The following MBTD1 variants were observed in gnomAD, a reference collection of about 807,000 sequenced individuals.
MBTD1 encodes the protein MBT domain-containing protein 1.
In MBTD1, 24 loss-of-function variants were observed where a neutral mutation model predicts 87.8. The observed-to-expected ratio is 0.27, with a 90% confidence interval of 0.20 to 0.38. MBTD1 has a LOEUF of 0.38. MBTD1 is among the 10% of genes least tolerant of loss of function. The pLI, the probability that MBTD1 is intolerant of heterozygous loss-of-function variation, is 1.00. For synonymous variants in MBTD1, 237 were observed against 248.6 expected (o/e 0.95, Z 0.44); for missense variants, 436 against 760.2 (o/e 0.57, Z 5.02).
intron 2 of MBTD1, among the ~76,000 whole-genome samples, chr17:51,232,475 A>G (rs1311454810): frequency 6.6e-6 from 1 of 152,200 alleles, no homozygotes; most frequent in Non-Finnish European, 1.5e-5. Context: ...GAGTTGTTTA[A>G]TAAGAAAAAT....
chr17:51,219,479 G>A (rs2052762512), intron 4 of MBTD1, among the ~76,000 whole-genome samples: 1 of 152,076 alleles, frequency 6.6e-6, no homozygotes, highest in Non-Finnish European at 1.5e-5. Context: ...TAGTGCTAAC[G>A]CAAAAGATCA....
chr17:51,214,516 T>G (rs1477259253), intron 6 of MBTD1, among the ~76,000 whole-genome samples: 1 of 152,136 alleles, frequency 6.6e-6, no homozygotes, highest in Non-Finnish European at 1.5e-5. Context: ...CACAGTAATA[T>G]CTAAGTGCTG....
intron 12 of MBTD1, among the ~76,000 whole-genome samples, chr17:51,198,711 A>C (rs568835669): frequency 7.7e-4 from 117 of 152,290 alleles, no homozygotes; most frequent in African/African-American, 2.6e-3. Context: ...CAGCGTCCCA[A>C]AGTGCTGGAA....
chr17:51,249,160 T>G (rs1215950614), intron 2 of MBTD1, among the ~76,000 whole-genome samples: 2 of 150,374 alleles, frequency 1.3e-5, no homozygotes, highest in Admixed American at 1.3e-4. Flanking sequence ...CTTGGGAGGC[T>G]GAGGTGGGAG....
chr17:51,188,978 G>A (rs991597369), intron 16 of MBTD1, among the ~76,000 whole-genome samples: 66 of 151,882 alleles, frequency 4.3e-4, no homozygotes, highest in Admixed American at 6.6e-4. Context: ...GGCTGGTCTC[G>A]AACTCCTGAC....
At chr17:51,233,371 C>A (rs2053649315) in intron 2 of MBTD1, among the ~76,000 whole-genome samples, 1 of 151,880 alleles carries the variant, frequency 6.6e-6, no homozygotes. Flanking sequence ...AGAAGAAAAG[C>A]AAACAGCATA....
At chr17:51,228,815 T>C (rs1568209931) in intron 2 of MBTD1, among the ~76,000 whole-genome samples, 1 of 145,468 alleles carries the variant, frequency 6.9e-6, no homozygotes, top group Non-Finnish European at 1.5e-5. Context: ...GGAGAAATGC[T>C]TGAACCCGGG....
chr17:51,223,554 G>A (rs1004421044), intron 3 of MBTD1, among the ~76,000 whole-genome samples: 3 of 151,260 alleles, frequency 2.0e-5, no homozygotes, highest in Non-Finnish European at 3.0e-5. Context: ...AACAACAAAA[G>A]CCTGGGCGTG....
chr17:51,198,748 C>G (rs868329709), intron 12 of MBTD1, among the ~76,000 whole-genome samples: 2 of 152,206 alleles, frequency 1.3e-5, no homozygotes, highest in Middle Eastern at 6.8e-3. Flanking sequence ...CCAAGCCTGG[C>G]CTTGACTGTG....
chr17:51,205,957 TTCTTA>T (rs1341202133), intron 7 of MBTD1, among the ~76,000 whole-genome samples: 1 of 152,118 alleles, frequency 6.6e-6, no homozygotes, highest in African/African-American at 2.4e-5. Flanking sequence ...AAGATAACTT[TTCTTA>T]TGAGTGGCTG....
chr17:51,192,429 C>A, intron 15 of MBTD1, 149 bp from the exon 16 acceptor site: 1 of 655,824 alleles, frequency 1.5e-6, no homozygotes, highest in South Asian at 2.1e-5. Context: ...CTTGTTCCTA[C>A]AAAACCATAG....
chr17:51,203,954 A>G (rs1479960676), intron 7 of MBTD1, 29 bp from the exon 8 acceptor site: 4 of 1,534,866 alleles, frequency 2.6e-6, no homozygotes, highest in East Asian at 2.3e-5. Context: ...TCACTACATA[A>G]TAAGAAAATA....
chr17:51,198,618 C>T (rs760974581), intron 12 of MBTD1, among the ~76,000 whole-genome samples: 3 of 152,180 alleles, frequency 2.0e-5, no homozygotes, highest in Non-Finnish European at 4.4e-5. Context: ...GCTATTCAGA[C>T]TCTTTCTCAG....
Position 51,192,289 on chromosome 17 carries a change from TA to T in MBTD1, c.1691-10del, listed in dbSNP as rs1198350021. 1 of 1,543,446 alleles carries T rather than the reference TA, an allele frequency of 6.5e-7. No homozygotes were observed. Among genetic ancestry groups the T allele is most frequent in the Admixed American group, 2.0e-5 (1 of 50,780 alleles). On this transcript the variant is annotated splice_polypyrimidine_tract_variant and intron_variant, in intron 15 of 16. Coordinates refer to ENST00000586178, the MANE Select transcript of MBTD1 (RefSeq NM_017643.3). Reference sequence around the variant, plus strand: ...TTGGTTTTCTCTTGATGCTGAAAAATAAAAAGGGAAAATTGGTACTAGATAA... The same window carrying T: ...TTGGTTTTCTCTTGATGCTGAAAAATAAAAGGGAAAATTGGTACTAGATAA...
chr17:51,212,526 CATCA>C (rs1213039721), intron 6 of MBTD1, among the ~76,000 whole-genome samples: 1 of 149,208 alleles, frequency 6.7e-6, no homozygotes, highest in Non-Finnish European at 1.5e-5. Flanking sequence ...GTAAAGACAG[CATCA>C]ATAAGACATG....
chr17:51,202,105 G>T, intron 10 of MBTD1, 28 bp from the exon 11 acceptor site: 1 of 1,463,130 alleles, frequency 6.8e-7, no homozygotes, highest in Non-Finnish European at 9.5e-7. Flanking sequence ...ACACTAATCT[G>T]TCAGCATTTG....
intron 6 of MBTD1, among the ~76,000 whole-genome samples, chr17:51,215,331 A>G (rs1024162463): frequency 3.9e-5 from 6 of 152,258 alleles, no homozygotes; most frequent in Admixed American, 6.5e-5. Context: ...TCTCATAAAT[A>G]ACTTTAATAT....
intron 7 of MBTD1, among the ~76,000 whole-genome samples, 176 bp downstream of exon 7, chr17:51,206,712 T>G (rs113550478): frequency 6.6e-6 from 1 of 152,224 alleles, no homozygotes; most frequent in Non-Finnish European, 1.5e-5. Context: ...TCATATGGCC[T>G]GCAAAGTTGA....
chr17:51,192,024 A>G (rs552535769), intron 16 of MBTD1, 179 bp downstream of exon 16: 6 of 600,786 alleles, frequency 1.0e-5, no homozygotes, highest in Admixed American at 6.4e-5. Flanking sequence ...TGTTAGTAAA[A>G]TATCAGTGTT....
Sources: gnomAD v4.1 joint callset for allele counts (sites outside exome capture counted in the v4.1 genomes callset) on GRCh38, gnomAD v4.1.1 for gene constraint, MANE v1.5 for transcripts, NCBI Gene and HGNC (gene_info 2026-07-23, HGNC 2026-07-21) for gene names.